The following GRIA1 variants were observed in gnomAD, a reference collection of about 807,000 sequenced individuals.
GRIA1 encodes the protein glutamate ionotropic receptor AMPA type subunit 1.
A neutral mutation model predicts 99.2 loss-of-function variants in GRIA1; 31 were observed. That is an observed-to-expected ratio of 0.31 (90% CI 0.23 to 0.42). The LOEUF is 0.42. Among genes scored for constraint, GRIA1 ranks in the 10% least tolerant of loss-of-function variants. The pLI is 1.00. For synonymous variants in GRIA1, 438 were observed against 432.4 expected, an observed-to-expected ratio of 1.01 and a Z score of -0.16; for missense variants, 782 against 1,157.5, an observed-to-expected ratio of 0.68 and a Z score of 4.71.
At chr5:153,649,689 T>C (rs760025082) in intron 3 of GRIA1, among the ~76,000 whole-genome samples, 5 of 152,136 alleles carry the variant, frequency 3.3e-5, no homozygotes, top group Non-Finnish European at 7.4e-5. Flanking sequence ...CTCAAACTCC[T>C]GACCTCAGGT....
intron 2 of GRIA1, among the ~76,000 whole-genome samples, chr5:153,641,693 C>A (rs1753788585): frequency 6.6e-6 from 1 of 152,180 alleles, no homozygotes; most frequent in South Asian, 2.1e-4. Context: ...ACTCTTTATG[C>A]ACATGTAACT....
chr5:153,773,641 C>G (rs954767502), intron 13 of GRIA1, among the ~76,000 whole-genome samples: 3 of 152,156 alleles, frequency 2.0e-5, no homozygotes, highest in African/African-American at 7.2e-5. Flanking sequence ...GCATACATCT[C>G]TGTAAACACA....
chr5:153,607,007 A>T (rs534059778), intron 2 of GRIA1, among the ~76,000 whole-genome samples: 1 of 148,408 alleles, frequency 6.7e-6, no homozygotes, highest in East Asian at 2.0e-4. Context: ...CCCTCTTCCC[A>T]TTCTTTAAAA....
intron 7 of GRIA1, among the ~76,000 whole-genome samples, chr5:153,678,159 C>T (rs1756725172): frequency 6.6e-6 from 1 of 152,214 alleles, no homozygotes; most frequent in African/African-American, 2.4e-5. Flanking sequence ...AGACGACATT[C>T]AGCAGAAGAT....
chr5:153,624,490 C>A (rs971536837), intron 2 of GRIA1, among the ~76,000 whole-genome samples: 1 of 152,214 alleles, frequency 6.6e-6, no homozygotes, highest in Non-Finnish European at 1.5e-5. Context: ...GATGCATTTA[C>A]ATGAGAGATG....
At chr5:153,692,760 T>C (rs1194229801) in intron 8 of GRIA1, among the ~76,000 whole-genome samples, 3 of 152,182 alleles carry the variant, frequency 2.0e-5, no homozygotes, top group Non-Finnish European at 4.4e-5. Context: ...TCACAGTGCC[T>C]AGAATATACT....
intron 11 of GRIA1, among the ~76,000 whole-genome samples, chr5:153,724,145 T>C (rs1374577740): frequency 6.6e-6 from 1 of 152,070 alleles, no homozygotes; most frequent in East Asian, 1.9e-4. Flanking sequence ...GGGTCTGGAG[T>C]GGTCCTCTAG....
At chr5:153,493,452 G>C (rs1754111013) in intron 1 of GRIA1, among the ~76,000 whole-genome samples, 1 of 152,126 alleles carries the variant, frequency 6.6e-6, no homozygotes, top group African/African-American at 2.4e-5. Context: ...AGCCCACAGG[G>C]TCCCAGAGCT....
In GRIA1 at chr5:153,564,435, A is replaced by G. The variant is rs1291566782; in HGVS notation, c.220+70370A>G. 4.6e-5 allele frequency among the ~76,000 whole-genome samples: 7 copies of G among 152,304 alleles called. No homozygotes were observed. The East Asian group carries it at 1.4e-3, about 29-fold the overall frequency. The stretch of plus-strand genomic sequence containing the variant: ...GTTGCTGCATAACAAATTGCCCCCA[A>G]ACTCGGTGACTTTCTACAACAATCT... On this transcript the variant is annotated intron_variant, in intron 2 of 15. Coordinates refer to ENST00000285900, the MANE Select transcript of GRIA1 (RefSeq NM_000827.4).
rs372920128 is a variant in GRIA1, at chr5:153,664,695, G to A, written c.699+8823G>A. ...CTTCTCTGCTACATTTCTATGTATA[G>A]CATGGGCCTGACAGTGTTAAGCACT... On this transcript the variant is annotated intron_variant, in intron 5 of 15. Coordinates refer to ENST00000285900, the MANE Select transcript of GRIA1 (RefSeq NM_000827.4). Among the ~76,000 whole-genome samples the A allele has an allele frequency of 7.2e-5, 11 of 152,232 alleles. No individual in the cohort carries two copies. In the East Asian group the frequency reaches 1.7e-3, roughly 24 times the overall value.
intron 13 of GRIA1, among the ~76,000 whole-genome samples, chr5:153,775,724 A>G (rs2149627329): frequency 6.6e-6 from 1 of 150,640 alleles, no homozygotes; most frequent in East Asian, 1.9e-4. Flanking sequence ...CTATTATCCT[A>G]CCAATGCCAT....
At chr5:153,712,430 C>T (rs1329907287) in intron 11 of GRIA1, among the ~76,000 whole-genome samples, 1 of 152,222 alleles carries the variant, frequency 6.6e-6, no homozygotes, top group Non-Finnish European at 1.5e-5. Flanking sequence ...CAACGATAGC[C>T]TGACCTTTGC....
upstream of GRIA1, chr5:153,490,325 G>T (rs370029330): frequency 1.8e-4 from 30 of 168,808 alleles, no homozygotes; most frequent in East Asian, 1.0e-3. Flanking sequence ...GGGGGAGCGG[G>T]CAGACCGAGC....
chr5:153,683,172 C>T (rs76931662), intron 7 of GRIA1, among the ~76,000 whole-genome samples: 6,668 of 152,266 alleles, frequency 0.044, 200 homozygotes, highest in Middle Eastern at 0.11. Flanking sequence ...TTTCAAGATA[C>T]ACATTTCTGA....
At chr5:153,761,006 C>G (rs973281478) in intron 11 of GRIA1, among the ~76,000 whole-genome samples, 3 of 152,086 alleles carry the variant, frequency 2.0e-5, no homozygotes, top group African/African-American at 7.2e-5. Context: ...CCCTATCTCT[C>G]ACTAGGTACC....
At chr5:153,619,735 G>C (rs909122281) in intron 2 of GRIA1, among the ~76,000 whole-genome samples, 2 of 152,128 alleles carry the variant, frequency 1.3e-5, no homozygotes, top group African/African-American at 4.8e-5. Flanking sequence ...AAGAAATTAA[G>C]AGTGGGAAAA....
At chr5:153,554,423 G>A (rs905848242) in intron 2 of GRIA1, among the ~76,000 whole-genome samples, 8 of 152,136 alleles carry the variant, frequency 5.3e-5, no homozygotes, top group Admixed American at 3.3e-4. Context: ...GACTGTCCAC[G>A]TCCCACTCCC....
chr5:153,611,610 A>C (rs1216328760), intron 2 of GRIA1, among the ~76,000 whole-genome samples: 1 of 152,234 alleles, frequency 6.6e-6, no homozygotes, highest in Admixed American at 6.5e-5. Flanking sequence ...TCTGGTTCAC[A>C]GATGCATAAT....
intron 2 of GRIA1, among the ~76,000 whole-genome samples, chr5:153,538,171 C>A (rs575339759): frequency 5.3e-5 from 8 of 152,102 alleles, no homozygotes; most frequent in Non-Finnish European, 7.4e-5. Flanking sequence ...AAAAGGGGGG[C>A]AAGCTGGTTC....
Sources: gnomAD v4.1 joint callset for allele counts (sites outside exome capture counted in the v4.1 genomes callset) on GRCh38, gnomAD v4.1.1 for gene constraint, MANE v1.5 for transcripts, NCBI Gene and HGNC (gene_info 2026-07-23, HGNC 2026-07-21) for gene names.